MYH2: variants seen among roughly 807,000 people sequenced by gnomAD.
MYH2 encodes myosin heavy chain 2.
Under a neutral mutation model 228.1 loss-of-function variants are expected in MYH2, and 139 were observed. The ratio of observed to expected loss-of-function variants is 0.61; its 90% CI spans 0.53 to 0.70. The LOEUF (loss-of-function observed/expected upper bound fraction) is 0.70. Among genes scored for constraint, MYH2 ranks in the 30% least tolerant of loss-of-function variants. The probability of loss-of-function intolerance (pLI) is 0.00; values close to 1 mark genes in which losing one functional copy is unlikely to be tolerated. For synonymous variants in MYH2, 796 were observed against 871.1 expected (o/e 0.91, Z 1.52); for missense variants, 1,809 against 2,357.5 (o/e 0.77, Z 4.82).
chr17:10,532,752 A>G (rs1054561075), intron 21 of MYH2, among the ~76,000 whole-genome samples: 1 of 152,158 alleles, frequency 6.6e-6, no homozygotes, highest in African/African-American at 2.4e-5. Context: ...ATAGTCTTTG[A>G]ACTCTGTCCT....
At position 10,524,724 on chromosome 17, in the gene MYH2, A is replaced by G. The variant is rs112969598; in HGVS notation, c.4971+33T>C. 2.3e-5 allele frequency: 37 copies of G among 1,614,204 alleles called. No individual in the cohort carries two copies. Among genetic ancestry groups the G allele is most frequent in the African/African-American group, 9.3e-5 (7 of 75,050 alleles). ...TGTTCTCAGGGTTGCAGGCACCCCA[A>G]TAGTCCTGGGACCATCTCTTGGACA... On this transcript the variant is annotated intron_variant, in intron 34 of 39. Transcript: ENST00000245503. The surrounding 1 kb of genome is among the most constrained non-coding windows in gnomAD (Gnocchi z 4.7).
Position 10,524,700 on chromosome 17 carries a change from G to A in MYH2, c.4972-31C>T. ...AAACAAACCATCATTGAGACATCAT[G>A]TTCTCAGGGTTGCAGGCACCCCAAT... On this transcript the variant is annotated intron_variant, in intron 34 of 39. Transcript: ENST00000245503. The surrounding 1 kb of genome is among the most constrained non-coding windows in gnomAD (Gnocchi z 4.7). 1.2e-6 allele frequency: 2 copies of A among 1,614,240 alleles called. No individual in the cohort carries two copies. The highest frequency in any genetic ancestry group is 1.7e-6 in the Non-Finnish European group (2 of 1,180,046).
intron 30 of MYH2, 138 bp downstream of exon 30, chr17:10,526,461 T>C: frequency 1.4e-6 from 2 of 1,385,544 alleles, no homozygotes; most frequent in Non-Finnish European, 2.0e-6. Context: ...TGTCTTATTC[T>C]CAGGGCCTGA....
intron 13 of MYH2, 30 bp downstream of exon 13, chr17:10,539,414 C>G (rs754172313): frequency 6.3e-5 from 101 of 1,613,898 alleles, no homozygotes; most frequent in Non-Finnish European, 8.5e-5. Flanking sequence ...TGCTTTCATC[C>G]CTGGCAGTTA....
chr17:10,537,969 C>T lies in MYH2; in HGVS notation c.1417-134G>A. On this transcript the variant is annotated intron_variant, in intron 14 of 39. Coordinates refer to ENST00000245503, the MANE Select transcript of MYH2 (RefSeq NM_017534.6). The surrounding 1 kb of genome is among the most constrained non-coding windows in gnomAD (Gnocchi z 4.0). ...TATTAAAATCACTGGGTTAAAGAGA[C>T]TTTGAAATAAAAGGTGAAAAGTATG... is the stretch of plus-strand genomic sequence containing the variant. 4 of 1,479,484 alleles carry T rather than the reference C, an allele frequency of 2.7e-6. No individual in the cohort carries two copies. Among genetic ancestry groups the T allele is most frequent in the African/African-American group, 1.4e-5 (1 of 70,826 alleles). The allele number at this position is 1,479,484 out of a possible 1,614,324, so 91.6% of individuals were successfully genotyped here. A position where few individuals can be genotyped will look rare whatever the true frequency, so the allele number is the denominator to read the frequency against.
At position 10,523,203 on chromosome 17, in the gene MYH2, G is replaced by A. The variant is rs1398942347; in HGVS notation, c.5578-18C>T. The stretch of plus-strand genomic sequence containing the variant: ...TCTTCCGTCTGAAAGATTATAAAAA[G>A]TCCAGGACCTTAATTACTAAAGCAC... On this transcript the variant is annotated intron_variant, in intron 38 of 39. Transcript: ENST00000245503. 1.2e-6 allele frequency: 2 copies of A among 1,609,420 alleles called. No homozygotes were observed. The highest frequency in any genetic ancestry group is 1.7e-6 in the Non-Finnish European group (2 of 1,175,922).
In MYH2 at chr17:10,525,643, T is replaced by C; in HGVS notation, c.4372-27A>G. 1 of 1,614,200 alleles carries C rather than the reference T, an allele frequency of 6.2e-7. No individual in the cohort carries two copies. On this transcript the variant is annotated intron_variant, in intron 31 of 39. Coordinates refer to ENST00000245503, the MANE Select transcript of MYH2 (RefSeq NM_017534.6). The surrounding 1 kb of genome is among the most constrained non-coding windows in gnomAD (Gnocchi z 4.2). Reference sequence around the variant, plus strand: ...TGAAAAACCAAGACCTGTTACCTGCTGCAAAGACAAAAGAGTAGAGTAAAG... The same window carrying C: ...TGAAAAACCAAGACCTGTTACCTGCCGCAAAGACAAAAGAGTAGAGTAAAG...
chr17:10,533,698 A>T (rs140081690), intron 19 of MYH2, 66 bp from the exon 20 acceptor site: 17,297 of 1,559,420 alleles, frequency 0.011, 223 homozygotes, highest in Middle Eastern at 0.11. Flanking sequence ...CTAAACATTA[A>T]ATGATTCATT....
At chr17:10,547,373 T>A in intron 4 of MYH2, 102 bp downstream of exon 4, 1 of 1,440,884 alleles carries the variant, frequency 6.9e-7, no homozygotes, top group Admixed American at 1.7e-5. Context: ...GCAATGAAAG[T>A]GAAATGGGTC....
At chr17:10,531,511 G>A in intron 22 of MYH2, 122 bp downstream of exon 22, 1 of 1,408,690 alleles carries the variant, frequency 7.1e-7, no homozygotes, top group Non-Finnish European at 1.0e-6. Flanking sequence ...CCATTGGAGT[G>A]TTTTAACCTT....
In MYH2 at chr17:10,537,419, C is replaced by T. The variant is rs778226679; in HGVS notation, c.1711G>A (p.Val571Met). Residue 571 changes from valine to methionine, a missense_variant, in exon 16 of 40, where the codon GTG (valine) becomes ATG (methionine). Around this residue, in one of 9 missense-constraint regions of MYH2, gnomAD observed 41 missense variants for 35.1 expected, o/e 1.17. Coordinates refer to ENST00000245503, the MANE Select transcript of MYH2 (RefSeq NM_017534.6). This position sits in a 1 kb window ranked among gnomAD's most constrained non-coding sequence, Gnocchi z 4.0. Reference sequence around the variant, plus strand: ...TGGGCCTCGGCCTTGCCTTTGACCACCTTGGGCTTCTGGAAGTTGGCAGAC... The same window carrying T: ...TGGGCCTCGGCCTTGCCTTTGACCATCTTGGGCTTCTGGAAGTTGGCAGAC... ...GKSANFQKPK[V>M]VKGKAEAHFA... is the part of the protein sequence containing the mutation. The T allele has an allele frequency of 5.0e-5, 81 of 1,614,158 alleles. 1 individual carries two copies. The South Asian group carries it at 8.5e-4, about 17-fold the overall frequency.
At chr17:10,545,881 A>G (rs1225953573) in intron 4 of MYH2, among the ~76,000 whole-genome samples, 1 of 152,188 alleles carries the variant, frequency 6.6e-6, no homozygotes, top group African/African-American at 2.4e-5. Context: ...CAAGTTCAAC[A>G]ATGTGATAGC....
intron 14 of MYH2, among the ~76,000 whole-genome samples, chr17:10,538,200 C>T (rs1353053966): frequency 6.6e-6 from 1 of 152,040 alleles, no homozygotes. Flanking sequence ...TAGGAGCCAA[C>T]TTGCAACCCA....
chr17:10,547,343 G>T, intron 4 of MYH2, 132 bp downstream of exon 4: 1 of 1,199,536 alleles, frequency 8.3e-7, no homozygotes, highest in Non-Finnish European at 1.2e-6. Flanking sequence ...CAATCATGAA[G>T]CCTTTTAACT....
At chr17:10,539,792 A>C (rs750244753) in intron 12 of MYH2, 136 bp downstream of exon 12, 2 of 1,343,720 alleles carry the variant, frequency 1.5e-6, no homozygotes, top group Non-Finnish European at 2.1e-6. Flanking sequence ...CCCATTGCAC[A>C]TTATTTAGGT....
At position 10,524,608 on chromosome 17, in the gene MYH2, G is replaced by A. The variant is rs367873267; in HGVS notation, c.5033C>T (p.Ala1678Val). The A allele has an allele frequency of 6.2e-7, 1 of 1,614,068 alleles. No individual in the cohort carries two copies. Among genetic ancestry groups the A allele is most frequent in the African/African-American group, 1.3e-5 (1 of 74,928 alleles). Residue 1678 changes from alanine (A) to valine (V), a missense_variant, in exon 35 of 40, where the codon GCC becomes GTC. Ala to Val is a moderately conservative substitution (Grantham distance 64, BLOSUM62 0). Coordinates refer to ENST00000245503, the MANE Select transcript of MYH2 (RefSeq NM_017534.6). The surrounding 1 kb of genome is among the most constrained non-coding windows in gnomAD (Gnocchi z 4.7). ...CAGGTTGGCTCTGCGCTCCACCATGGCCAGCTGTTCCTTCAGGTCCTCCTG... is the reference window on the plus strand; with the variant it reads ...CAGGTTGGCTCTGCGCTCCACCATGACCAGCTGTTCCTTCAGGTCCTCCTG... ...RSQEDLKEQL[A>V]MVERRANLLQ...
intron 11 of MYH2, 144 bp from the exon 12 acceptor site, chr17:10,540,210 G>A (rs1317327434): frequency 1.7e-6 from 2 of 1,151,694 alleles, no homozygotes; most frequent in African/African-American, 1.5e-5. Flanking sequence ...ATAGAGAGTT[G>A]GTCAACCAAA....
In MYH2 at chr17:10,543,082, A is replaced by C. The variant is rs745940444; in HGVS notation, c.805+16T>G. The C allele has an allele frequency of 2.5e-6, 4 of 1,607,526 alleles. No homozygotes were observed. Among genetic ancestry groups the C allele is most frequent in the Non-Finnish European group, 3.4e-6 (4 of 1,174,276 alleles). On this transcript the variant is annotated intron_variant, in intron 9 of 39. Transcript: ENST00000245503. ...ATATGAATCAGAAATGATTTTAAAG[A>C]TATCTGAACACTTACATGTTTCAAT...
chr17:10,537,556 C>T lies in MYH2; in HGVS notation c.1588-14G>A, dbSNP rs1258278535. The stretch of plus-strand genomic sequence containing the variant: ...GATGCCCATAGGCTAAAAAGCAGAC[C>T]ACAACACAAAATTGTACTTCTATTT... On this transcript the variant is annotated splice_polypyrimidine_tract_variant and intron_variant, in intron 15 of 39. Transcript: ENST00000245503. The surrounding 1 kb of genome is among the most constrained non-coding windows in gnomAD (Gnocchi z 4.0). The T allele has an allele frequency of 3.1e-6, 5 of 1,613,918 alleles. No homozygotes were observed. Among genetic ancestry groups the T allele is most frequent in the South Asian group, 2.2e-5 (2 of 91,078 alleles).
Sources: gnomAD v4.1 joint callset for allele counts (sites outside exome capture counted in the v4.1 genomes callset) on GRCh38, gnomAD v4.1.1 for gene constraint, gnomAD v4.1.1 regional missense constraint, Gnocchi (gnomAD v3.1) non-coding constraint, MANE v1.5 for transcripts, NCBI Gene and HGNC (gene_info 2026-07-23, HGNC 2026-07-21) for gene names.